The following RPS19 variants were observed in gnomAD, a reference collection of about 807,000 sequenced individuals.
RPS19 encodes small ribosomal subunit protein eS19.
Under a neutral mutation model 20.3 loss-of-function variants are expected in RPS19, and 1 was observed. That is an observed-to-expected ratio of 0.05 (90% confidence interval 0.02 to 0.23). The LOEUF is 0.23. Among genes scored for constraint, RPS19 ranks in the 10% least tolerant of loss-of-function variants. The pLI, the probability that RPS19 is intolerant of heterozygous loss-of-function variation, is 1.00. For synonymous variants in RPS19, 87 were observed against 74.8 expected, an observed-to-expected ratio of 1.16 and a Z score of -0.84; for missense variants, 111 against 192.7, an observed-to-expected ratio of 0.58 and a Z score of 2.51.
intron 3 of RPS19, among the ~76,000 whole-genome samples, chr19:41,862,842 T>C (rs2074046278): frequency 6.6e-6 from 1 of 152,094 alleles, no homozygotes; most frequent in Non-Finnish European, 1.5e-5. Flanking sequence ...CAAAGGCCTC[T>C]TTTTCACCTC....
In RPS19 at chr19:41,865,949, T is replaced by TAAAAA. The variant is rs35155067; in HGVS notation, c.173-3064_173-3060dup. The stretch of plus-strand genomic sequence containing the variant: ...GGGCGACAGAGTGAGACTCCGTCTT[T>TAAAAA]AAAAAAAAAAAAAAAAAAAAAAGGC... On this transcript the variant is annotated intron_variant, in intron 3 of 5. Transcript: ENST00000598742. Among the ~76,000 whole-genome samples the TAAAAA allele has an allele frequency of 5.5e-3, 406 of 74,484 alleles. 3 individuals are homozygous for TAAAAA. The highest frequency in any genetic ancestry group is 0.016 in the Middle Eastern group (1 of 62). The allele number at this position is 74,484 out of a possible 152,430, so 48.9% of individuals were successfully genotyped here.
In RPS19 at chr19:41,871,448, G is replaced by T; in HGVS notation, c.*71G>T. ...TCTGGGTCTCTTTTTTGAGTCTCTT[G>T]CTCTGTCGCCCAGGCTGGAGTGCAG... On this transcript the variant is annotated 3_prime_UTR_variant, in exon 6 of 6. Transcript: ENST00000598742. 7.1e-7 allele frequency: 1 copy of T among 1,399,660 alleles called. No homozygotes were observed. 86.7% of individuals were successfully genotyped at this position (1,399,660 alleles called of 1,614,324 possible).
intron 4 of RPS19, 88 bp downstream of exon 4, chr19:41,869,302 C>A: frequency 8.1e-7 from 1 of 1,236,072 alleles, no homozygotes; most frequent in South Asian, 1.4e-5. Flanking sequence ...ATAGTCTGCC[C>A]AGCCCCTCAG....
At chr19:41,862,174 G>A (rs3786538) in intron 3 of RPS19, among the ~76,000 whole-genome samples, 23 of 152,094 alleles carry the variant, frequency 1.5e-4, no homozygotes, top group African/African-American at 4.8e-4. Context: ...TCCATGACCC[G>A]GAAAAGAGTT....
chr19:41,869,589 TGGCTGGCGGCA>T (rs782506130), intron 4 of RPS19, 99 bp from the exon 5 acceptor site: 32 of 1,190,784 alleles, frequency 2.7e-5, no homozygotes, highest in Admixed American at 1.4e-4. Context: ...CAGTGGGACT[TGGCTGGCGGCA>T]GGTGGCTTTT....
chr19:41,864,519 A>C (rs890719616), intron 3 of RPS19: 1 of 151,638 alleles, frequency 6.6e-6, no homozygotes, highest in African/African-American at 2.4e-5. Context: ...AGCTGTGATG[A>C]CTCCTAAGGA....
Position 41,860,288 on chromosome 19 carries a change from C to A in RPS19, c.-2C>A, listed in dbSNP as rs1038695296. On this transcript the variant is annotated splice_region_variant and 5_prime_UTR_variant, in exon 1 of 6. Coordinates refer to ENST00000598742, the MANE Select transcript of RPS19 (RefSeq NM_001022.4). ...CCTGGCTGGCAGCGCGGAGGCCGCA[C>A]GGTAAGCGGGGGCTCCGAGCTGGAC... 6.5e-6 allele frequency: 1 copy of A among 153,316 alleles called. No homozygotes were observed. Among genetic ancestry groups the A allele is most frequent in the Non-Finnish European group, 1.5e-5 (1 of 68,484 alleles). 9.5% of individuals were successfully genotyped at this position (153,316 alleles called of 1,614,324 possible). A position where few individuals can be genotyped will look rare whatever the true frequency, so the allele number is the denominator to read the frequency against.
intron 3 of RPS19, among the ~76,000 whole-genome samples, chr19:41,866,467 T>C (rs1421249371): frequency 6.6e-6 from 1 of 151,918 alleles, no homozygotes; most frequent in East Asian, 1.9e-4. Flanking sequence ...TTGTGGGGGG[T>C]GGCTTACGCC....
intron 5 of RPS19, 109 bp downstream of exon 5, chr19:41,869,862 C>T: frequency 1.7e-5 from 20 of 1,202,624 alleles, no homozygotes; most frequent in Non-Finnish European, 1.9e-5. Flanking sequence ...GGGCACAGCC[C>T]AGGGTGCTGG....
chr19:41,871,307 G>A, intron 5 of RPS19, 44 bp from the exon 6 acceptor site: 1 of 1,606,536 alleles, frequency 6.2e-7, no homozygotes, highest in Non-Finnish European at 8.5e-7. Context: ...TGCCCCAGCA[G>A]AGACCCCCTT....
In RPS19 at chr19:41,871,651, G is replaced by A; in HGVS notation, c.*274G>A. The stretch of plus-strand genomic sequence containing the variant: ...CGCTTCCTCCCTTCCCTTGGGTGAG[G>A]GGGCCCAGGGTGATTGGGTGGCTGT... On this transcript the variant is annotated 3_prime_UTR_variant, in exon 6 of 6. Transcript: ENST00000598742. 1 of 455,918 alleles carries A rather than the reference G, an allele frequency of 2.2e-6. No individual in the cohort carries two copies. The highest frequency in any genetic ancestry group is 4.0e-6 in the Non-Finnish European group (1 of 249,414). The allele number at this position is 455,918 out of a possible 1,614,324, so 28.2% of individuals were successfully genotyped here.
chr19:41,869,271 T>A, intron 4 of RPS19, 57 bp downstream of exon 4: 1 of 1,485,640 alleles, frequency 6.7e-7, no homozygotes, highest in Non-Finnish European at 9.3e-7. Context: ...CGGTCATCAA[T>A]TCCCCAACGA....
intron 1 of RPS19, 72 bp from the exon 2 acceptor site, chr19:41,860,703 T>C (rs2074018904): frequency 9.1e-7 from 1 of 1,099,408 alleles, no homozygotes; most frequent in Admixed American, 1.7e-5. Flanking sequence ...GCGAAAGGAT[T>C]GGGGTGGGGT....
Position 41,861,190 on chromosome 19 carries a change from G to A in RPS19, c.150G>A (p.Glu50=), listed in dbSNP as rs782634765. 5.6e-6 allele frequency: 9 copies of A among 1,613,970 alleles called. No homozygotes were observed. Among genetic ancestry groups the A allele is most frequent in the South Asian group, 1.1e-5 (1 of 91,066 alleles). ...ACAAAGAGCTTGCTCCCTACGATGA[G>A]AACTGGTTCTACACGCGAGCTGGTG... is the stretch of plus-strand genomic sequence containing the variant. ...AKHKELAPYD[E]NWFYTRAAST... is the part of the protein sequence containing the mutation. The change falls in exon 3 of 6, where the codon GAG becomes GAA. Residue 50 remains glutamate, a synonymous_variant. Coordinates refer to ENST00000598742, the MANE Select transcript of RPS19 (RefSeq NM_001022.4).
chr19:41,865,758 C>T (rs1335846104), intron 3 of RPS19, among the ~76,000 whole-genome samples: 2 of 150,820 alleles, frequency 1.3e-5, no homozygotes, highest in Non-Finnish European at 1.5e-5. Context: ...ACCATCCTGG[C>T]TAACATGGTG....
rs2074139987 is a variant in RPS19 at position 41,870,848 on chromosome 19, C to CTTTTTTT, written c.412-503_412-502insTTTTTTT. 8.2e-5 allele frequency among the ~76,000 whole-genome samples: 7 copies of CTTTTTTT among 85,764 alleles called. 1 individual carries two copies. Among genetic ancestry groups the CTTTTTTT allele is most frequent in the African/African-American group, 3.1e-4 (7 of 22,540 alleles). The allele number at this position is 85,764 out of a possible 152,430, so 56.3% of individuals were successfully genotyped here. Reference sequence around the variant, plus strand: ...TTGGACTCCACTCCGCCACTCCCTTCCTTTTTTTTTTTTTTTTTTTTTTTT... The same window carrying CTTTTTTT: ...TTGGACTCCACTCCGCCACTCCCTTCTTTTTTTCTTTTTTTTTTTTTTTTTTTTTTTT... On this transcript the variant is annotated intron_variant, in intron 5 of 5. Transcript: ENST00000598742.
At chr19:41,869,579 CA>C (rs1555841487) in intron 4 of RPS19, 119 bp from the exon 5 acceptor site, 1 of 1,042,406 alleles carries the variant, frequency 9.6e-7, no homozygotes, top group East Asian at 2.4e-5. Flanking sequence ...CTAGGGCCCT[CA>C]GTGGGACTTG....
chr19:41,868,759 C>T (rs1310327049), intron 3 of RPS19, among the ~76,000 whole-genome samples: 3 of 152,100 alleles, frequency 2.0e-5, no homozygotes, highest in Non-Finnish European at 4.4e-5. Flanking sequence ...ACCTCAGGTT[C>T]AATTCAACAG....
In RPS19 at chr19:41,871,339, C is replaced by T; in HGVS notation, c.412-12C>T. On this transcript the variant is annotated splice_polypyrimidine_tract_variant and intron_variant, in intron 5 of 5. Coordinates refer to ENST00000598742, the MANE Select transcript of RPS19 (RefSeq NM_001022.4). ...CCTTGACTAACTTTTATTCTTCCAT[C>T]TTTTCCCACAGGTGGCAGCTGCCAA... 6.2e-7 allele frequency: 1 copy of T among 1,613,848 alleles called. No homozygotes were observed. Among genetic ancestry groups the T allele is most frequent in the Non-Finnish European group, 8.5e-7 (1 of 1,179,760 alleles).
Sources: gnomAD v4.1 joint callset for allele counts (sites outside exome capture counted in the v4.1 genomes callset) on GRCh38, gnomAD v4.1.1 for gene constraint, MANE v1.5 for transcripts, NCBI Gene and HGNC (gene_info 2026-07-23, HGNC 2026-07-21) for gene names.